TSHZ3: variants seen among roughly 807,000 people sequenced by gnomAD.
TSHZ3 encodes teashirt zinc finger homeobox 3.
A neutral mutation model predicts 64.5 loss-of-function variants in TSHZ3; 10 were observed. The ratio of observed to expected loss-of-function variants is 0.16; its 90% confidence interval spans 0.10 to 0.26. The LOEUF is 0.26. Ranked by LOEUF, TSHZ3 falls within the 10% of genes least tolerant of loss-of-function variation. The probability of loss-of-function intolerance (pLI) is 1.00; values close to 1 mark genes in which losing one functional copy is unlikely to be tolerated. For synonymous variants in TSHZ3, 608 were observed against 593.1 expected (o/e 1.03, Z -0.36); for missense variants, 1,242 against 1,421.7 (o/e 0.87, Z 2.03).
chr19:31,255,130 C>T (rs1013523), intron 1 of TSHZ3, among the ~76,000 whole-genome samples: 37,968 of 152,068 alleles, frequency 0.25, 5,475 homozygotes, highest in Middle Eastern at 0.42. Flanking sequence ...AGAAGGAAAA[C>T]GAAGGAGATG....
intron 4 of TSHZ3, among the ~76,000 whole-genome samples, chr19:31,208,724 T>C (rs1975220425): frequency 6.6e-6 from 1 of 152,178 alleles, no homozygotes; most frequent in African/African-American, 2.4e-5. Context: ...TTACCACAAG[T>C]CGTGGCTTTC....
intron 3 of TSHZ3, among the ~76,000 whole-genome samples, chr19:31,235,596 T>TTTTC (rs1192918325): frequency 6.6e-5 from 10 of 150,536 alleles, no homozygotes; most frequent in Non-Finnish European, 1.2e-4. Context: ...TTTCTTTCTT[T>TTTTC]TTTCTTTCTT....
At chr19:31,156,517 C>G (rs1443867722) in intron 5 of TSHZ3, among the ~76,000 whole-genome samples, 1 of 152,172 alleles carries the variant, frequency 6.6e-6, no homozygotes, top group African/African-American at 2.4e-5. Context: ...CCCAGGGCAT[C>G]TATTTAAAGT....
chr19:31,267,986 T>C lies in TSHZ3; in HGVS notation n.64-25111A>G, dbSNP rs917365258. Among the ~76,000 whole-genome samples, 13 of 152,092 alleles carry C rather than the reference T, an allele frequency of 8.5e-5. No individual in the cohort carries two copies. In the East Asian group the frequency reaches 2.5e-3, roughly 29 times the overall value. On this transcript the variant is annotated intron_variant and non_coding_transcript_variant, in intron 1 of 6. Transcript: ENST00000651361. ...ATCTCATCTTGAATTGTAGCTCCCA[T>C]AATCCCCACTTGCCATGAGAGGGTC...
chr19:31,304,923 G>A (rs1213499950), intron 1 of TSHZ3, among the ~76,000 whole-genome samples: 2 of 152,208 alleles, frequency 1.3e-5, no homozygotes, highest in African/African-American at 4.8e-5. Context: ...ACTGTAATAA[G>A]GGGTTTGATT....
At chr19:31,295,188 C>T (rs56278122) in intron 1 of TSHZ3, among the ~76,000 whole-genome samples, 34,093 of 152,082 alleles carry the variant, frequency 0.22, 4,077 homozygotes, top group East Asian at 0.45. Context: ...AGAGAAGATA[C>T]GGAACACTGG....
chr19:31,197,213 G>T (rs897958617), intron 5 of TSHZ3, among the ~76,000 whole-genome samples: 8 of 151,690 alleles, frequency 5.3e-5, no homozygotes, highest in African/African-American at 9.7e-5. Flanking sequence ...ATAACACATG[G>T]TCAAAAAATA....
chr19:31,248,577 T>A (rs569486258), intron 1 of TSHZ3, among the ~76,000 whole-genome samples: 1 of 150,748 alleles, frequency 6.6e-6, no homozygotes, highest in South Asian at 2.1e-4. Flanking sequence ...GGCCCAGGAG[T>A]TCCAGACCAG....
At chr19:31,305,733 C>T (rs968712344) in intron 1 of TSHZ3, 1 of 152,188 alleles carries the variant, frequency 6.6e-6, no homozygotes, top group Admixed American at 6.5e-5. Flanking sequence ...GGACCCGCAT[C>T]TCCTGCCTGG....
chr19:31,312,496 C>T (rs1340873420), intron 1 of TSHZ3, among the ~76,000 whole-genome samples: 1 of 152,194 alleles, frequency 6.6e-6, no homozygotes, highest in Non-Finnish European at 1.5e-5. Context: ...GGGACTTCTC[C>T]TGTTGCTTCC....
chr19:31,290,526 G>C (rs897562297), intron 1 of TSHZ3, among the ~76,000 whole-genome samples: 2 of 152,120 alleles, frequency 1.3e-5, no homozygotes, highest in African/African-American at 4.8e-5. Context: ...AAGGGTTCTA[G>C]AGGACTGTTT....
chr19:31,158,919 T>C (rs1271383207), intron 5 of TSHZ3, among the ~76,000 whole-genome samples: 1 of 151,898 alleles, frequency 6.6e-6, no homozygotes. Context: ...CAATGGGGAG[T>C]GGCTGTAAAT....
At chr19:31,216,718 G>A (rs1975337246) in intron 4 of TSHZ3, among the ~76,000 whole-genome samples, 1 of 152,040 alleles carries the variant, frequency 6.6e-6, no homozygotes, top group Non-Finnish European at 1.5e-5. Context: ...CTCACTGCAA[G>A]CTCTGCCTCC....
At chr19:31,229,908 A>T (rs1333140685) in intron 3 of TSHZ3, among the ~76,000 whole-genome samples, 2 of 152,186 alleles carry the variant, frequency 1.3e-5, no homozygotes, top group Non-Finnish European at 2.9e-5. Flanking sequence ...AAAAGAAAAG[A>T]TTATGTAGAG....
At chr19:31,340,709 C>T (rs559863263) in intron 1 of TSHZ3, among the ~76,000 whole-genome samples, 67 of 152,308 alleles carry the variant, frequency 4.4e-4, no homozygotes, top group Non-Finnish European at 6.8e-4. Context: ...GAGTCACTAC[C>T]GGGAGGACTG....
chr19:31,280,823 G>T (rs1976348959), intron 1 of TSHZ3, among the ~76,000 whole-genome samples: 1 of 152,246 alleles, frequency 6.6e-6, no homozygotes, highest in Admixed American at 6.5e-5. Context: ...AGAGCCCAGA[G>T]AATACTTGCG....
At chr19:31,183,253 G>A (rs891793017) in intron 5 of TSHZ3, among the ~76,000 whole-genome samples, 2 of 146,126 alleles carry the variant, frequency 1.4e-5, no homozygotes, top group African/African-American at 2.6e-5. Context: ...CATCCTTAGA[G>A]GACAAAAAGA....
chr19:31,314,375 C>T (rs1183285127), intron 1 of TSHZ3, among the ~76,000 whole-genome samples: 1 of 152,170 alleles, frequency 6.6e-6, no homozygotes. Flanking sequence ...GCCACATGGG[C>T]AGCGGCCGGA....
chr19:31,321,748 T>C (rs1288071617), intron 1 of TSHZ3, among the ~76,000 whole-genome samples: 1 of 152,184 alleles, frequency 6.6e-6, no homozygotes, highest in Non-Finnish European at 1.5e-5. Flanking sequence ...TAGTGCTTAA[T>C]TGTCGTTGAT....
Sources: allele counts gnomAD v4.1 joint callset (sites outside exome capture counted in the v4.1 genomes callset), GRCh38; gene constraint gnomAD v4.1.1; transcripts MANE v1.5; gene names NCBI Gene and HGNC (gene_info 2026-07-23, HGNC 2026-07-21).